PTPRA: variants seen among roughly 807,000 people sequenced by gnomAD.
PTPRA encodes protein tyrosine phosphatase receptor type A, also known as receptor-type tyrosine-protein phosphatase alpha.
Under a neutral mutation model 104.8 loss-of-function variants are expected in PTPRA, and 25 were observed. The observed-to-expected ratio is 0.24, with a 90% confidence interval of 0.17 to 0.33. The LOEUF (loss-of-function observed/expected upper bound fraction) is 0.33, where lower values mean the gene tolerates loss of function less well. Among genes scored for constraint, PTPRA ranks in the 10% least tolerant of loss-of-function variants. The probability of loss-of-function intolerance (pLI) is 1.00; values close to 1 mark genes in which losing one functional copy is unlikely to be tolerated. For synonymous variants in PTPRA, 323 were observed against 368.9 expected (o/e 0.88, Z 1.43); for missense variants, 765 against 1,015.3 (o/e 0.75, Z 3.35).
intron 1 of PTPRA, among the ~76,000 whole-genome samples, chr20:2,914,835 T>G (rs2059843374): frequency 6.6e-6 from 1 of 152,188 alleles, no homozygotes; most frequent in Non-Finnish European, 1.5e-5. Flanking sequence ...CGTAGCACTT[T>G]TATGGTCATT....
intron 1 of PTPRA, among the ~76,000 whole-genome samples, chr20:2,912,985 T>C (rs1365080606): frequency 6.6e-6 from 1 of 152,190 alleles, no homozygotes; most frequent in African/African-American, 2.4e-5. Flanking sequence ...AATAAATACA[T>C]GTACAGAAAA....
chr20:3,015,494 A>G (rs1056344250), intron 11 of PTPRA, among the ~76,000 whole-genome samples: 4 of 151,798 alleles, frequency 2.6e-5, no homozygotes, highest in Non-Finnish European at 5.9e-5. Flanking sequence ...TTTAGTAGAG[A>G]TGGGGTTTCA....
intron 9 of PTPRA, among the ~76,000 whole-genome samples, chr20:2,995,962 T>C (rs2063378363): frequency 6.6e-6 from 1 of 152,220 alleles, no homozygotes; most frequent in Admixed American, 6.5e-5. Context: ...GTTGTGCAGC[T>C]ATGAACTGTG....
intron 9 of PTPRA, among the ~76,000 whole-genome samples, chr20:2,998,871 T>C (rs2063509328): frequency 6.6e-6 from 1 of 151,410 alleles, no homozygotes; most frequent in Non-Finnish European, 1.5e-5. Flanking sequence ...ATCAGACATA[T>C]TATAGAATTA....
chr20:2,909,947 ATATAT>A (rs1326867881), intron 1 of PTPRA, among the ~76,000 whole-genome samples: 4 of 126,026 alleles, frequency 3.2e-5, no homozygotes, highest in Admixed American at 9.1e-5. Context: ...ATGTGTAATT[ATATAT>A]TATAATATAT....
chr20:2,905,907 A>C (rs1253472579), intron 1 of PTPRA, among the ~76,000 whole-genome samples: 1 of 151,878 alleles, frequency 6.6e-6, no homozygotes, highest in Admixed American at 6.6e-5. Context: ...GCTGGTCTCG[A>C]ACTCCTGACC....
At chr20:2,904,109 T>C (rs555567223) in intron 1 of PTPRA, among the ~76,000 whole-genome samples, 5 of 151,962 alleles carry the variant, frequency 3.3e-5, no homozygotes, top group Admixed American at 2.6e-4. Flanking sequence ...GGAGATAGGG[T>C]CTTTCTATGA....
chr20:2,996,219 T>C (rs2063388011), intron 9 of PTPRA, among the ~76,000 whole-genome samples: 1 of 152,178 alleles, frequency 6.6e-6, no homozygotes, highest in African/African-American at 2.4e-5. Context: ...AGAAGGTAAG[T>C]TGGAGTACCA....
chr20:2,973,952 AT>A (rs540787644), intron 5 of PTPRA, among the ~76,000 whole-genome samples: 3,512 of 135,292 alleles, frequency 0.026, 80 homozygotes, highest in African/African-American at 0.07. Flanking sequence ...TGTTTGTCTG[AT>A]TTTTTTTTTT....
chr20:2,921,600 A>G (rs1484851720), intron 1 of PTPRA, among the ~76,000 whole-genome samples: 6 of 152,120 alleles, frequency 3.9e-5, no homozygotes, highest in Non-Finnish European at 7.4e-5. Flanking sequence ...TGTTTCTCCA[A>G]CAATGTGAAT....
At chr20:2,866,371 G>A in the PTPRA span, 4 of 1,613,998 alleles carry the variant, frequency 2.5e-6, no homozygotes, top group Admixed American at 5.0e-5. Flanking sequence ...GCTGGTGAGA[G>A]GCAGGGTTTG....
intron 5 of PTPRA, among the ~76,000 whole-genome samples, chr20:2,971,788 A>AT (rs1322526747): frequency 6.6e-6 from 1 of 151,818 alleles, no homozygotes; most frequent in African/African-American, 2.4e-5. Context: ...GATCTGAATG[A>AT]TTTTTTTTCT....
intron 1 of PTPRA, among the ~76,000 whole-genome samples, chr20:2,916,365 T>G (rs1389652830): frequency 6.6e-6 from 1 of 152,200 alleles, no homozygotes; most frequent in Non-Finnish European, 1.5e-5. Flanking sequence ...TTATATATGG[T>G]ATGAGGTAAG....
chr20:2,948,749 A>G lies in PTPRA; in HGVS notation c.-7+725A>G, dbSNP rs548555668. Among the ~76,000 whole-genome samples the G allele has an allele frequency of 6.6e-5, 10 of 151,936 alleles. 1 individual carries two copies. Among genetic ancestry groups the G allele is most frequent in the African/African-American group, 2.2e-4 (9 of 41,554 alleles). On this transcript the variant is annotated intron_variant, in intron 3 of 23. Coordinates refer to ENST00000399903, the MANE Select transcript of PTPRA (RefSeq NM_001385305.1). ...GGCGGATCACAAGGTCAGGAGATCA[A>G]GACCATCCTGGCTAACACAGTGAAA...
At chr20:2,948,935 G>A (rs553202448) in intron 3 of PTPRA, among the ~76,000 whole-genome samples, 2 of 151,930 alleles carry the variant, frequency 1.3e-5, no homozygotes, top group Non-Finnish European at 2.9e-5. Context: ...CTGGGTGACA[G>A]AGCGAGACTC....
chr20:3,003,276 T>C (rs1568690427), intron 9 of PTPRA, among the ~76,000 whole-genome samples: 1 of 152,196 alleles, frequency 6.6e-6, no homozygotes, highest in Non-Finnish European at 1.5e-5. Context: ...AAAATATATA[T>C]TTGTTGAAAG....
At chr20:2,900,147 T>TCC (rs1165072057) in intron 1 of PTPRA, among the ~76,000 whole-genome samples, 19 of 140,104 alleles carry the variant, frequency 1.4e-4, no homozygotes, top group African/African-American at 4.6e-4. Context: ...TCTGCCTCCT[T>TCC]TTTTTTTTTC....
At chr20:2,875,514 T>C (rs573400540) in intron 1 of PTPRA, among the ~76,000 whole-genome samples, 1 of 152,266 alleles carries the variant, frequency 6.6e-6, no homozygotes, top group East Asian at 1.9e-4. Context: ...CTTTGCCAGG[T>C]GAATTGCTTG....
At chr20:2,911,983 C>G (rs1266938182) in intron 1 of PTPRA, among the ~76,000 whole-genome samples, 2 of 152,058 alleles carry the variant, frequency 1.3e-5, no homozygotes, top group African/African-American at 4.8e-5. Context: ...GGACTCAGGC[C>G]TATAATCCCA....
Sources: allele counts gnomAD v4.1 joint callset (sites outside exome capture counted in the v4.1 genomes callset), GRCh38; gene constraint gnomAD v4.1.1; transcripts MANE v1.5; gene names NCBI Gene and HGNC (gene_info 2026-07-23, HGNC 2026-07-21).